The following EPS15 variants were observed in gnomAD, a reference collection of about 807,000 sequenced individuals.
The protein encoded by EPS15 is epidermal growth factor receptor pathway substrate 15.
In EPS15, 72 loss-of-function variants were observed where a neutral mutation model predicts 113.8. The observed-to-expected ratio is 0.63, with a 90% CI of 0.52 to 0.77. EPS15 has a LOEUF of 0.77. Among genes scored for constraint, EPS15 ranks in the 30% least tolerant of loss-of-function variants. The pLI is 0.00. For synonymous variants in EPS15, 344 were observed against 363.4 expected, an observed-to-expected ratio of 0.95 and a Z score of 0.61; for missense variants, 1,048 against 1,045.8, an observed-to-expected ratio of 1.00 and a Z score of -0.03.
At chr1:51,518,640 G>C (rs1054199042) in intron 1 of EPS15, among the ~76,000 whole-genome samples, 1 of 152,224 alleles carries the variant, frequency 6.6e-6, no homozygotes, top group African/African-American at 2.4e-5. Flanking sequence ...TCTGGGAAGG[G>C]AGGGCTTCCG....
intron 11 of EPS15, among the ~76,000 whole-genome samples, chr1:51,440,751 A>G (rs765267433): frequency 6.6e-6 from 1 of 152,048 alleles, no homozygotes; most frequent in Non-Finnish European, 1.5e-5. Flanking sequence ...GAGATGCCAG[A>G]TTCATAAACT....
At chr1:51,433,230 A>G (rs1335965093) in intron 12 of EPS15, among the ~76,000 whole-genome samples, 1 of 152,206 alleles carries the variant, frequency 6.6e-6, no homozygotes, top group Non-Finnish European at 1.5e-5. Flanking sequence ...AGCTACTCCA[A>G]CCAATATTTA....
chr1:51,436,368 A>C (rs1652151679), intron 12 of EPS15, among the ~76,000 whole-genome samples: 1 of 152,068 alleles, frequency 6.6e-6, no homozygotes, highest in Non-Finnish European at 1.5e-5. Flanking sequence ...GCCATGATCC[A>C]GATAAAAGAC....
At chr1:51,430,688 G>A (rs1651635372) in intron 12 of EPS15, among the ~76,000 whole-genome samples, 1 of 152,026 alleles carries the variant, frequency 6.6e-6, no homozygotes, top group Non-Finnish European at 1.5e-5. Flanking sequence ...AGGCACAGTG[G>A]TTCACAACTG....
intron 1 of EPS15, among the ~76,000 whole-genome samples, chr1:51,511,001 A>G (rs1341259637): frequency 2.0e-5 from 3 of 151,634 alleles, no homozygotes; most frequent in African/African-American, 7.3e-5. Flanking sequence ...CCCCGTCTCT[A>G]CTAAAAACAC....
rs889682779 is a variant in EPS15, at chr1:51,398,627, C to A, written c.2052+405G>T. On this transcript the variant is annotated intron_variant, in intron 20 of 24. Coordinates refer to ENST00000371733, the MANE Select transcript of EPS15 (RefSeq NM_001981.3). Reference sequence around the variant, plus strand: ...ATTTGTACTTTGCAGAATTAACATTCCAGATGTGTCTATGAAATAACATAA... The same window carrying A: ...ATTTGTACTTTGCAGAATTAACATTACAGATGTGTCTATGAAATAACATAA... Among the ~76,000 whole-genome samples, 59 of 152,240 alleles carry A rather than the reference C, an allele frequency of 3.9e-4. 1 individual carries two copies. Among genetic ancestry groups the A allele is most frequent in the African/African-American group, 1.4e-3 (59 of 41,548 alleles).
At chr1:51,422,421 CA>C (rs902265446) in intron 12 of EPS15, among the ~76,000 whole-genome samples, 2 of 152,038 alleles carry the variant, frequency 1.3e-5, no homozygotes, top group African/African-American at 4.8e-5. Context: ...AATTACATCT[CA>C]AAAAAAGCTA....
chr1:51,432,061 T>C (rs7553078), intron 12 of EPS15, among the ~76,000 whole-genome samples: 3,327 of 152,266 alleles, frequency 0.022, 32 homozygotes, highest in Middle Eastern at 0.034. Context: ...CCTGGAGTGA[T>C]GGCAATCAGG....
At chr1:51,371,826 T>C (rs1278531501) in intron 21 of EPS15, among the ~76,000 whole-genome samples, 1 of 152,242 alleles carries the variant, frequency 6.6e-6, no homozygotes, top group Non-Finnish European at 1.5e-5. Context: ...CCAGAGCAAC[T>C]TCCAGCCCCG....
At position 51,390,472 on chromosome 1, in the gene EPS15, C is replaced by A. The variant is rs1162632059; in HGVS notation, c.2119+3909G>T. Among the ~76,000 whole-genome samples the A allele has an allele frequency of 3.3e-5, 5 of 151,874 alleles. No individual in the cohort carries two copies. The East Asian group carries it at 5.8e-4, about 18-fold the overall frequency. On this transcript the variant is annotated intron_variant, in intron 21 of 24. Transcript: ENST00000371733. Reference sequence around the variant, plus strand: ...AAGCCAAAATTGACAAATGGGATCTCATTAAACTAAAGAGCTTCTGCACAG... The same window carrying A: ...AAGCCAAAATTGACAAATGGGATCTAATTAAACTAAAGAGCTTCTGCACAG...
intron 21 of EPS15, among the ~76,000 whole-genome samples, chr1:51,376,278 T>G (rs1204791740): frequency 1.3e-5 from 2 of 152,196 alleles, no homozygotes; most frequent in African/African-American, 4.8e-5. Context: ...TAACAAAGCC[T>G]GGATGACAGC....
chr1:51,449,396 T>C (rs952304054), intron 8 of EPS15, among the ~76,000 whole-genome samples: 1 of 151,854 alleles, frequency 6.6e-6, no homozygotes, highest in Non-Finnish European at 1.5e-5. Context: ...ATGGAGTAAA[T>C]GGGGTCACAA....
chr1:51,459,358 G>A (rs984264914), intron 8 of EPS15, among the ~76,000 whole-genome samples: 2 of 152,186 alleles, frequency 1.3e-5, no homozygotes, highest in East Asian at 1.9e-4. Flanking sequence ...TTAGCCAGAT[G>A]TGGTGGTGCA....
rs1457632338 is a variant in EPS15, at chr1:51,366,104, T to C, written c.2120-75A>G. On this transcript the variant is annotated intron_variant, in intron 21 of 24. Coordinates refer to ENST00000371733, the MANE Select transcript of EPS15 (RefSeq NM_001981.3). Reference sequence around the variant, plus strand: ...TTTTTTGAGACAGAGTCTCACTCTGTCCACCCAGCCTCAAGAGCAGTGGTA... The same window carrying C: ...TTTTTTGAGACAGAGTCTCACTCTGCCCACCCAGCCTCAAGAGCAGTGGTA... 5.4e-5 allele frequency: 53 copies of C among 983,544 alleles called. No individual in the cohort carries two copies. The South Asian group carries it at 7.9e-4, about 15-fold the overall frequency. The allele number at this position is 983,544 out of a possible 1,614,324, so 60.9% of individuals were successfully genotyped here. A position where few individuals can be genotyped will look rare whatever the true frequency, so the allele number is the denominator to read the frequency against.
At chr1:51,508,271 AGAAAGAG>A (rs1557536725) in intron 1 of EPS15, among the ~76,000 whole-genome samples, 1 of 105,440 alleles carries the variant, frequency 9.5e-6, no homozygotes, top group Admixed American at 8.6e-5. Flanking sequence ...AGAGAGAGAG[AGAAAGAG>A]AGAAAGAGAG....
chr1:51,388,214 AT>A (rs1316787228), intron 21 of EPS15, among the ~76,000 whole-genome samples: 2 of 152,254 alleles, frequency 1.3e-5, no homozygotes, highest in African/African-American at 4.8e-5. Flanking sequence ...CTGCTCCTGA[AT>A]GACTACTGGG....
rs71063034 is a variant in EPS15 at position 51,489,286 on chromosome 1, C to CATATATATATATATATATAT, written c.34-7992_34-7973dup. 2.4e-3 allele frequency among the ~76,000 whole-genome samples: 340 copies of CATATATATATATATATATAT among 141,642 alleles called. 1 individual carries two copies. Among genetic ancestry groups the CATATATATATATATATATAT allele is most frequent in the African/African-American group, 8.8e-3 (331 of 37,748 alleles). 92.9% of individuals were successfully genotyped at this position (141,642 alleles called of 152,430 possible). On this transcript the variant is annotated intron_variant, in intron 1 of 24. Coordinates refer to ENST00000371733, the MANE Select transcript of EPS15 (RefSeq NM_001981.3). The stretch of plus-strand genomic sequence containing the variant: ...TTTTACAAAGTATAGCCTAGTATAC[C>CATATATATATATATATATAT]ATATATATATATATATATATGTATG...
At chr1:51,385,943 C>G (rs1172030632) in intron 21 of EPS15, among the ~76,000 whole-genome samples, 1 of 151,972 alleles carries the variant, frequency 6.6e-6, no homozygotes. Flanking sequence ...GAAAAAAGTT[C>G]TTGAGATGGA....
intron 13 of EPS15, among the ~76,000 whole-genome samples, chr1:51,415,193 A>G (rs1650092404): frequency 1.3e-5 from 2 of 152,356 alleles, no homozygotes; most frequent in African/African-American, 2.4e-5. Flanking sequence ...CCACTTAAAC[A>G]CAACCTCAAA....
Sources: gnomAD v4.1 joint callset for allele counts (sites outside exome capture counted in the v4.1 genomes callset) on GRCh38, gnomAD v4.1.1 for gene constraint, MANE v1.5 for transcripts, NCBI Gene and HGNC (gene_info 2026-07-23, HGNC 2026-07-21) for gene names.